Variants in MDGA1 observed in about 807,000 individuals in gnomAD.
MDGA1 encodes MAM domain containing glycosylphosphatidylinositol anchor 1.
A neutral mutation model predicts 101.5 loss-of-function variants in MDGA1; 54 were observed. The ratio of observed to expected loss-of-function variants is 0.53; its 90% CI spans 0.43 to 0.67. The LOEUF is 0.67. Among genes scored for constraint, MDGA1 ranks in the 30% least tolerant of loss-of-function variants. MDGA1 has a pLI of 0.00. For synonymous variants in MDGA1, 533 were observed against 558.3 expected, an observed-to-expected ratio of 0.95 and a Z score of 0.64; for missense variants, 1,083 against 1,323.8, an observed-to-expected ratio of 0.82 and a Z score of 2.82.
rs1229465304 is a variant in MDGA1, at chr6:37,697,074, G to A, written c.-263C>T. 8.4e-6 allele frequency: 3 copies of A among 355,452 alleles called. No homozygotes were observed. The highest frequency in any genetic ancestry group is 1.5e-5 in the Non-Finnish European group (3 of 200,006). 22.0% of individuals were successfully genotyped at this position (355,452 alleles called of 1,614,324 possible). A position where few individuals can be genotyped will look rare whatever the true frequency, so the allele number is the denominator to read the frequency against. On this transcript the variant is annotated 5_prime_UTR_variant, in exon 1 of 17. Transcript: ENST00000434837. ...CTCGGCGCGCCCGGCACAGCAGCCA[G>A]CGCCCCGACCCGAGGAGCCCGGCCG... is the stretch of plus-strand genomic sequence containing the variant.
At chr6:37,650,465 C>A in intron 7 of MDGA1, 60 bp from the exon 8 acceptor site, 7 of 1,419,042 alleles carry the variant, frequency 4.9e-6, no homozygotes, top group South Asian at 1.5e-5. Context: ...CCCCACTGGG[C>A]TCTGCCTTCT....
In MDGA1 at chr6:37,655,038, CCT is replaced by C. The variant is rs1581862213; in HGVS notation, c.580-108_580-107del. 2 of 1,386,536 alleles carry C rather than the reference CCT, an allele frequency of 1.4e-6. No individual in the cohort carries two copies. Among genetic ancestry groups the C allele is most frequent in the African/African-American group, 1.4e-5 (1 of 69,770 alleles). 85.9% of individuals were successfully genotyped at this position (1,386,536 alleles called of 1,614,324 possible). ...GCCTACCACAAATGCCTGTCTAATT[CCT>C]CTCTTTCCATCCCCAACCCCACCCT... On this transcript the variant is annotated intron_variant, in intron 4 of 16. Coordinates refer to ENST00000434837, the MANE Select transcript of MDGA1 (RefSeq NM_153487.4). This position sits in a 1 kb window ranked among gnomAD's most constrained non-coding sequence, Gnocchi z 5.1.
chr6:37,658,477 A>G lies in MDGA1; in HGVS notation c.208-58T>C, dbSNP rs1002613178. 6.6e-6 allele frequency: 10 copies of G among 1,503,874 alleles called. No individual in the cohort carries two copies. In the African/African-American group the frequency reaches 1.4e-4, roughly 21 times the overall value. 93.2% of individuals were successfully genotyped at this position (1,503,874 alleles called of 1,614,324 possible). A position where few individuals can be genotyped will look rare whatever the true frequency, so the allele number is the denominator to read the frequency against. ...CAGACTCACACGGGGTGGGGGCCTC[A>G]GCGCTGAGTGCCCTGCAACGGCACC... On this transcript the variant is annotated intron_variant, in intron 2 of 16. Coordinates refer to ENST00000434837, the MANE Select transcript of MDGA1 (RefSeq NM_153487.4).
intron 7 of MDGA1, 88 bp from the exon 8 acceptor site, chr6:37,650,493 CG>C: frequency 7.5e-7 from 1 of 1,336,894 alleles, no homozygotes; most frequent in Admixed American, 2.9e-5. Flanking sequence ...GCTTACCTCC[CG>C]CTAGGGGCAA....
chr6:37,679,916 T>A (rs1762058983), intron 1 of MDGA1, among the ~76,000 whole-genome samples: 1 of 152,188 alleles, frequency 6.6e-6, no homozygotes, highest in Non-Finnish European at 1.5e-5. Context: ...TTCAGAAGCC[T>A]CTGCTCCTAT....
chr6:37,678,139 C>T (rs187431848), intron 1 of MDGA1, among the ~76,000 whole-genome samples: 1 of 152,174 alleles, frequency 6.6e-6, no homozygotes, highest in East Asian at 1.9e-4. Context: ...ACTTTCACTG[C>T]CCCCCAGTAC....
Position 37,637,290 on chromosome 6 carries a change from C to T in MDGA1, c.*78G>A, listed in dbSNP as rs766853744. 9.8e-6 allele frequency: 12 copies of T among 1,221,284 alleles called. No individual in the cohort carries two copies. The highest frequency in any genetic ancestry group is 2.7e-5 in the South Asian group (2 of 75,354). 75.7% of individuals were successfully genotyped at this position (1,221,284 alleles called of 1,614,324 possible). A position where few individuals can be genotyped will look rare whatever the true frequency, so the allele number is the denominator to read the frequency against. On this transcript the variant is annotated 3_prime_UTR_variant, in exon 17 of 17. Transcript: ENST00000434837. ...CCCTGCCCCTGGGCACCCCAGCTGG[C>T]GGGGGTCAGTCTTTGGTACAATGTG... is the stretch of plus-strand genomic sequence containing the variant.
At position 37,682,969 on chromosome 6, in the gene MDGA1, G is replaced by A. The variant is rs114095561; in HGVS notation, c.67+13776C>T. On this transcript the variant is annotated intron_variant, in intron 1 of 16. Coordinates refer to ENST00000434837, the MANE Select transcript of MDGA1 (RefSeq NM_153487.4). The stretch of plus-strand genomic sequence containing the variant: ...GCAGGGAAGTAGACAGAATGCAGTC[G>A]ACCTTATTACCCTCTAACCCCTAAC... Among the ~76,000 whole-genome samples the A allele has an allele frequency of 6.3e-3, 955 of 152,254 alleles. 17 individuals carry two copies. Among genetic ancestry groups the A allele is most frequent in the African/African-American group, 0.022 (919 of 41,540 alleles).
At chr6:37,637,568 C>T (rs758442587) in intron 16 of MDGA1, 109 bp from the exon 17 acceptor site, 1 of 905,338 alleles carries the variant, frequency 1.1e-6, no homozygotes, top group Non-Finnish European at 1.7e-6. Context: ...CTTTGGAGGG[C>T]CTGAGGGTGG....
Position 37,638,851 on chromosome 6 carries a change from A to G in MDGA1, c.2537-184T>C. The stretch of plus-strand genomic sequence containing the variant: ...CAGGGACACCCTCAGTGTGGGAAAG[A>G]GAAGACTTCAGCAGGATTTCATTTC... On this transcript the variant is annotated intron_variant, in intron 14 of 16. Transcript: ENST00000434837. The surrounding 1 kb of genome is among the most constrained non-coding windows in gnomAD (Gnocchi z 4.8). The G allele has an allele frequency of 1.4e-6, 1 of 703,366 alleles. No homozygotes were observed. The highest frequency in any genetic ancestry group is 2.3e-6 in the Non-Finnish European group (1 of 437,684). 43.6% of individuals were successfully genotyped at this position (703,366 alleles called of 1,614,324 possible).
rs1209814311 is a variant in MDGA1 at position 37,638,202 on chromosome 6, C to T, written c.2776+3G>A. 3.7e-6 allele frequency: 6 copies of T among 1,612,606 alleles called. No homozygotes were observed. The Admixed American group carries it at 1.0e-4, about 27-fold the overall frequency. On this transcript the variant is annotated splice_donor_region_variant and intron_variant, in intron 16 of 16. Coordinates refer to ENST00000434837, the MANE Select transcript of MDGA1 (RefSeq NM_153487.4). The surrounding 1 kb of genome is among the most constrained non-coding windows in gnomAD (Gnocchi z 4.8). ...GCTCCCCCACCTCCTTCCCGTCTTG[C>T]ACCTTTATTGGGATCCGTCTGCTTC...
intron 1 of MDGA1, among the ~76,000 whole-genome samples, chr6:37,669,753 T>C (rs1761830236): frequency 6.6e-6 from 1 of 152,198 alleles, no homozygotes; most frequent in Non-Finnish European, 1.5e-5. Flanking sequence ...AGATACACCA[T>C]GACACGATCC....
chr6:37,651,654 C>T (rs1473850670), intron 7 of MDGA1, among the ~76,000 whole-genome samples: 8 of 152,154 alleles, frequency 5.3e-5, no homozygotes, highest in Non-Finnish European at 1.0e-4. Flanking sequence ...CTCTACACAC[C>T]GTACAGGCTA....
intron 13 of MDGA1, among the ~76,000 whole-genome samples, 187 bp from the exon 14 acceptor site, chr6:37,644,130 C>T (rs543173155): frequency 1.2e-4 from 17 of 142,032 alleles, no homozygotes; most frequent in African/African-American, 4.3e-4. Context: ...TGCCTCACCC[C>T]CACGCATCCT....
At position 37,637,463 on chromosome 6, in the gene MDGA1, C is replaced by A; in HGVS notation, c.2777-4G>T. On this transcript the variant is annotated splice_polypyrimidine_tract_variant and splice_region_variant and intron_variant, in intron 16 of 16. Transcript: ENST00000434837. ...CCACTGCCCGGCATCACCACCACTG[C>A]AACAGGGGAGAAAGAGGAGACAGGC... 6.2e-6 allele frequency: 10 copies of A among 1,612,082 alleles called. No individual in the cohort carries two copies. The highest frequency in any genetic ancestry group is 8.5e-6 in the Non-Finnish European group (10 of 1,178,768).
At chr6:37,674,948 T>G (rs1761946687) in intron 1 of MDGA1, among the ~76,000 whole-genome samples, 1 of 152,108 alleles carries the variant, frequency 6.6e-6, no homozygotes, top group African/African-American at 2.4e-5. Flanking sequence ...TCCCAGCTAC[T>G]TGGGAGGCTG....
At position 37,652,464 on chromosome 6, in the gene MDGA1, C is replaced by T. The variant is rs1761393523; in HGVS notation, c.983-124G>A. On this transcript the variant is annotated intron_variant, in intron 6 of 16. Coordinates refer to ENST00000434837, the MANE Select transcript of MDGA1 (RefSeq NM_153487.4). This position sits in a 1 kb window ranked among gnomAD's most constrained non-coding sequence, Gnocchi z 4.3. Reference sequence around the variant, plus strand: ...CCCTTCTGGGGATAGGGGGCTACAACTCCCCCAGGTGAAACTATCACTTTT... The same window carrying T: ...CCCTTCTGGGGATAGGGGGCTACAATTCCCCCAGGTGAAACTATCACTTTT... 2 of 641,260 alleles carry T rather than the reference C, an allele frequency of 3.1e-6. No individual in the cohort carries two copies. Among genetic ancestry groups the T allele is most frequent in the African/African-American group, 1.8e-5 (1 of 54,676 alleles). 39.7% of individuals were successfully genotyped at this position (641,260 alleles called of 1,614,324 possible). A position where few individuals can be genotyped will look rare whatever the true frequency, so the allele number is the denominator to read the frequency against.
At chr6:37,687,250 A>G (rs1457345719) in intron 1 of MDGA1, among the ~76,000 whole-genome samples, 1 of 152,030 alleles carries the variant, frequency 6.6e-6, no homozygotes, top group Non-Finnish European at 1.5e-5. Context: ...CGTAGTGGGT[A>G]CTCATTAAAT....
chr6:37,666,065 C>T (rs183088078), intron 1 of MDGA1, among the ~76,000 whole-genome samples: 3 of 152,096 alleles, frequency 2.0e-5, no homozygotes, highest in Non-Finnish European at 2.9e-5. Flanking sequence ...ATAAAGCTCT[C>T]GGCTGGGCAT....
Sources: gnomAD v4.1 joint callset for allele counts (sites outside exome capture counted in the v4.1 genomes callset) on GRCh38, gnomAD v4.1.1 for gene constraint, Gnocchi (gnomAD v3.1) non-coding constraint, MANE v1.5 for transcripts, NCBI Gene and HGNC (gene_info 2026-07-23, HGNC 2026-07-21) for gene names.